TASP1: variants seen among roughly 807,000 people sequenced by gnomAD.
The protein encoded by TASP1 is threonine aspartase 1.
TASP1 carries 16 observed loss-of-function variants against 56.6 expected under a neutral mutation model. The observed-to-expected ratio is 0.28, with a 90% CI of 0.19 to 0.43. TASP1 has a LOEUF of 0.43. TASP1 is among the 20% of genes least tolerant of loss of function. The pLI, the probability that TASP1 is intolerant of heterozygous loss-of-function variation, is 1.00. For synonymous variants in TASP1, 179 were observed against 184.2 expected, an observed-to-expected ratio of 0.97 and a Z score of 0.23; for missense variants, 393 against 511.6, an observed-to-expected ratio of 0.77 and a Z score of 2.24.
chr20:13,600,530 A>C (rs1372696371), intron 4 of TASP1: 1 of 152,198 alleles, frequency 6.6e-6, no homozygotes, highest in Non-Finnish European at 1.5e-5. Flanking sequence ...CAAAGGAAAT[A>C]AAAGATATTT....
At chr20:13,267,479 C>T in the TASP1 span, among the ~76,000 whole-genome samples, 1 of 152,194 alleles carries the variant, frequency 6.6e-6, no homozygotes, top group Admixed American at 6.5e-5. Flanking sequence ...GTAGACACAA[C>T]CCAACCCAAG....
At chr20:13,377,706 G>GT in the TASP1 span, among the ~76,000 whole-genome samples, 4 of 151,706 alleles carry the variant, frequency 2.6e-5, no homozygotes, top group East Asian at 1.9e-4. Context: ...CTGGTCCTAG[G>GT]TTTTTTTTGG....
the TASP1 span, among the ~76,000 whole-genome samples, chr20:13,307,235 A>G: frequency 6.6e-6 from 1 of 152,188 alleles, no homozygotes; most frequent in Non-Finnish European, 1.5e-5. Flanking sequence ...ACCCTCTTAT[A>G]GCCAATTGGC....
chr20:13,139,504 G>T, the TASP1 span, among the ~76,000 whole-genome samples: 3 of 152,160 alleles, frequency 2.0e-5, no homozygotes, highest in Non-Finnish European at 2.9e-5. Flanking sequence ...TCAATGTACG[G>T]TTTCCAAAGT....
chr20:13,422,899 T>C (rs1463440228), intron 12 of TASP1, among the ~76,000 whole-genome samples: 2 of 152,218 alleles, frequency 1.3e-5, no homozygotes, highest in African/African-American at 4.8e-5. Context: ...TGCTGATTCA[T>C]GGATTACAAA....
At chr20:13,500,118 C>T (rs1261861360) in intron 10 of TASP1, among the ~76,000 whole-genome samples, 1 of 151,078 alleles carries the variant, frequency 6.6e-6, no homozygotes, top group South Asian at 2.1e-4. Flanking sequence ...CACACACACA[C>T]CCTGGACCTA....
chr20:13,126,825 T>C, the TASP1 span: 1 of 1,404,636 alleles, frequency 7.1e-7, no homozygotes, highest in Non-Finnish European at 9.4e-7. Flanking sequence ...GAACCCTATT[T>C]GTAAATCAAG....
the TASP1 span, chr20:13,221,922 C>A: frequency 7.5e-7 from 1 of 1,335,290 alleles, no homozygotes; most frequent in East Asian, 3.1e-5. Flanking sequence ...CAGGTGAGTG[C>A]GCCGCCGGAG....
intron 13 of TASP1, among the ~76,000 whole-genome samples, chr20:13,409,837 T>C (rs2042039563): frequency 6.6e-6 from 1 of 152,180 alleles, no homozygotes; most frequent in South Asian, 2.1e-4. Flanking sequence ...TTGGGAAAAT[T>C]TCAAGTTCTA....
the TASP1 span, among the ~76,000 whole-genome samples, chr20:13,348,902 C>T: frequency 2.6e-5 from 4 of 152,150 alleles, no homozygotes; most frequent in African/African-American, 9.7e-5. Flanking sequence ...CATAGAAGAG[C>T]CAGCAACTCT....
At chr20:13,345,966 C>T in the TASP1 span, among the ~76,000 whole-genome samples, 6 of 150,958 alleles carry the variant, frequency 4.0e-5, no homozygotes, top group East Asian at 3.9e-4. Flanking sequence ...ACTACTTGGC[C>T]GACATACTAG....
At chr20:13,240,229 A>G in the TASP1 span, among the ~76,000 whole-genome samples, 1 of 152,238 alleles carries the variant, frequency 6.6e-6, no homozygotes, top group Non-Finnish European at 1.5e-5. Context: ...GAACAAGCTT[A>G]TGTTCTAGAA....
intron 4 of TASP1, among the ~76,000 whole-genome samples, chr20:13,608,343 T>C (rs1377279125): frequency 3.3e-5 from 5 of 152,232 alleles, no homozygotes; most frequent in African/African-American, 1.2e-4. Context: ...TTTCAAGAAT[T>C]GGATGGTTAA....
the TASP1 span, among the ~76,000 whole-genome samples, chr20:13,285,695 G>A: frequency 1.7e-3 from 252 of 152,334 alleles, no homozygotes; most frequent in South Asian, 2.9e-3. Context: ...AGCCAAGGGC[G>A]TGGATTTGGA....
intron 10 of TASP1, among the ~76,000 whole-genome samples, chr20:13,506,536 C>A (rs1024265951): frequency 4.3e-4 from 65 of 152,202 alleles, no homozygotes; most frequent in African/African-American, 1.5e-3. Flanking sequence ...TTAAAATGTT[C>A]ATTCACCATG....
the TASP1 span, among the ~76,000 whole-genome samples, chr20:13,195,443 A>G: frequency 1.3e-5 from 2 of 152,166 alleles, no homozygotes; most frequent in Non-Finnish European, 2.9e-5. Flanking sequence ...ATCCTTTTCC[A>G]TAGCCCTCAA....
intron 1 of TASP1, among the ~76,000 whole-genome samples, chr20:13,631,989 T>C (rs1038395689): frequency 8.6e-5 from 13 of 151,070 alleles, no homozygotes; most frequent in African/African-American, 2.9e-4. Flanking sequence ...GAGGTGGAGG[T>C]TGCCTTGAGC....
chr20:13,373,833 C>A, the TASP1 span, among the ~76,000 whole-genome samples: 1 of 151,802 alleles, frequency 6.6e-6, no homozygotes, highest in South Asian at 2.1e-4. Flanking sequence ...AATACTTTTT[C>A]TTCTCCTTTC....
chr20:13,317,738 T>C, the TASP1 span, among the ~76,000 whole-genome samples: 1 of 152,102 alleles, frequency 6.6e-6, no homozygotes, highest in Non-Finnish European at 1.5e-5. Flanking sequence ...AGCATTCACA[T>C]GCAAAACAAA....
Sources: gnomAD v4.1 joint callset for allele counts (sites outside exome capture counted in the v4.1 genomes callset) on GRCh38, gnomAD v4.1.1 for gene constraint, MANE v1.5 for transcripts, NCBI Gene and HGNC (gene_info 2026-07-23, HGNC 2026-07-21) for gene names.